Variants in CADM2 observed in about 807,000 individuals in gnomAD.
The protein encoded by CADM2 is cell adhesion molecule 2.
In CADM2, 12 loss-of-function variants were observed where a neutral mutation model predicts 49.8. That is an observed-to-expected ratio of 0.24 (90% CI 0.15 to 0.39). The LOEUF is 0.39. CADM2 is among the 10% of genes least tolerant of loss of function. The pLI, the probability that CADM2 is intolerant of heterozygous loss-of-function variation, is 1.00. For synonymous variants in CADM2, 214 were observed against 175.4 expected (o/e 1.22, Z -1.74); for missense variants, 378 against 492.3 (o/e 0.77, Z 2.20).
intron 2 of CADM2, among the ~76,000 whole-genome samples, chr3:85,796,054 G>A (rs573320617): frequency 4.8e-4 from 73 of 152,250 alleles, no homozygotes; most frequent in African/African-American, 1.7e-3. Context: ...TGAGATTTTC[G>A]CAAGCATCAC....
At chr3:85,927,117 T>C (rs1577684060) in intron 6 of CADM2, among the ~76,000 whole-genome samples, 2 of 152,204 alleles carry the variant, frequency 1.3e-5, no homozygotes, top group African/African-American at 2.4e-5. Flanking sequence ...ATTACATCAA[T>C]GCGTATTATT....
At chr3:85,842,815 A>G (rs2074698612) in intron 3 of CADM2, among the ~76,000 whole-genome samples, 1 of 152,164 alleles carries the variant, frequency 6.6e-6, no homozygotes. Context: ...TCTATGTCTC[A>G]TAAATAATTA....
intron 1 of CADM2, among the ~76,000 whole-genome samples, chr3:85,045,969 C>T (rs1471612388): frequency 1.3e-5 from 2 of 152,048 alleles, no homozygotes; most frequent in Non-Finnish European, 2.9e-5. Context: ...GAAAGAACAT[C>T]CCAAAAGATT....
chr3:86,011,023 G>T (rs117336302), intron 8 of CADM2, among the ~76,000 whole-genome samples: 1 of 151,634 alleles, frequency 6.6e-6, no homozygotes, highest in African/African-American at 2.4e-5. Flanking sequence ...ACCTTTTATC[G>T]TATATCTACT....
chr3:85,794,697 G>A (rs543029449), intron 2 of CADM2, among the ~76,000 whole-genome samples: 9 of 152,152 alleles, frequency 5.9e-5, no homozygotes, highest in South Asian at 4.1e-4. Flanking sequence ...ATAAGCTCTC[G>A]ATGATATGAC....
At chr3:85,578,461 A>C (rs1178140890) in intron 1 of CADM2, among the ~76,000 whole-genome samples, 3 of 152,276 alleles carry the variant, frequency 2.0e-5, no homozygotes, top group Admixed American at 2.0e-4. Flanking sequence ...GGTTAAAAAC[A>C]GGGCAAAGGC....
chr3:85,458,342 T>A (rs9309983), intron 1 of CADM2, among the ~76,000 whole-genome samples: 5,984 of 152,284 alleles, frequency 0.039, 188 homozygotes, highest in Non-Finnish European at 0.055. Flanking sequence ...CCCACTCCTC[T>A]GCCTGTGGGA....
At chr3:86,016,124 T>C (rs1350457633) in intron 8 of CADM2, among the ~76,000 whole-genome samples, 1 of 152,136 alleles carries the variant, frequency 6.6e-6, no homozygotes, top group Non-Finnish European at 1.5e-5. Flanking sequence ...AATTAACTCA[T>C]GTCAGTCTTT....
chr3:85,460,518 G>A (rs2038196812), intron 1 of CADM2, among the ~76,000 whole-genome samples: 1 of 152,106 alleles, frequency 6.6e-6, no homozygotes, highest in Non-Finnish European at 1.5e-5. Flanking sequence ...AGTTTTTGAA[G>A]GAGGTATGAA....
rs9870282 is a variant in CADM2 at position 85,233,947 on chromosome 3, A to G, written c.61+274279A>G. On this transcript the variant is annotated intron_variant, in intron 1 of 9. Transcript: ENST00000383699. ...GAATTATTTCCATTCTTATCAAACC[A>G]ATATTAGCTAGCTTAGCTAACATTT... 5.0e-3 allele frequency among the ~76,000 whole-genome samples: 762 copies of G among 152,252 alleles called. 5 individuals carry two copies. The highest frequency in any genetic ancestry group is 0.024 in the Middle Eastern group (7 of 294).
At position 85,540,136 on chromosome 3, in the gene CADM2, TATC is replaced by T. The variant is rs552546675; in HGVS notation, c.62-186383_62-186381del. Among the ~76,000 whole-genome samples, 15 of 152,250 alleles carry T rather than the reference TATC, an allele frequency of 9.9e-5. No individual in the cohort carries two copies. The South Asian group carries it at 2.7e-3, about 27-fold the overall frequency. On this transcript the variant is annotated intron_variant, in intron 1 of 9. Coordinates refer to ENST00000383699, the MANE Select transcript of CADM2 (RefSeq NM_001167675.2). ...TTGCATATTATCATGTTATTCATGT[TATC>T]ATAAAAGCCAAATGAAATCTTGTAG...
chr3:85,434,048 G>A (rs892483125), intron 1 of CADM2, among the ~76,000 whole-genome samples: 2 of 151,818 alleles, frequency 1.3e-5, no homozygotes, highest in South Asian at 2.1e-4. Context: ...AGTATGAGTC[G>A]ATTAAGTTTA....
chr3:85,924,979 A>G lies in CADM2; in HGVS notation c.701-10788A>G, dbSNP rs929120848. 5.3e-5 allele frequency among the ~76,000 whole-genome samples: 8 copies of G among 152,286 alleles called. No homozygotes were observed. The East Asian group carries it at 1.5e-3, about 29-fold the overall frequency. ...TTTACATTATTTCTAGATGCCTCAT[A>G]TATAGCCAACATTCTTTAATACAAC... On this transcript the variant is annotated intron_variant, in intron 6 of 9. Coordinates refer to ENST00000383699, the MANE Select transcript of CADM2 (RefSeq NM_001167675.2).
chr3:85,868,076 TAG>T (rs1460066061), intron 3 of CADM2, among the ~76,000 whole-genome samples: 1 of 152,042 alleles, frequency 6.6e-6, no homozygotes, highest in Non-Finnish European at 1.5e-5. Flanking sequence ...ATTTTAAAAA[TAG>T]ATAGATGTAA....
rs13323275 is a variant in CADM2 at position 85,861,835 on chromosome 3, A to G, written c.239-21456A>G. On this transcript the variant is annotated intron_variant, in intron 3 of 9. Transcript: ENST00000383699. ...TTTTTTATAATTTATATTTCTTTTAATAAGATAAAGCATTCAAAGCTAATA... is the reference window on the plus strand; with the variant it reads ...TTTTTTATAATTTATATTTCTTTTAGTAAGATAAAGCATTCAAAGCTAATA... Among the ~76,000 whole-genome samples the G allele has an allele frequency of 2.8e-3, 431 of 152,094 alleles. 2 individuals carry two copies. The highest frequency in any genetic ancestry group is 1.0e-2 in the African/African-American group (415 of 41,538).
intron 1 of CADM2, among the ~76,000 whole-genome samples, chr3:85,199,484 TTAGTTAAAC>T (rs2041437552): frequency 6.6e-6 from 1 of 151,834 alleles, no homozygotes; most frequent in Admixed American, 6.6e-5. Flanking sequence ...TTTTTTTTTT[TTAGTTAAAC>T]TTACAAAGTT....
chr3:85,396,551 T>A (rs1263487359), intron 1 of CADM2, among the ~76,000 whole-genome samples: 1 of 152,024 alleles, frequency 6.6e-6, no homozygotes, highest in Non-Finnish European at 1.5e-5. Flanking sequence ...CCTACAAAAT[T>A]ATACGCTATG....
At chr3:85,497,843 T>C (rs2039966118) in intron 1 of CADM2, among the ~76,000 whole-genome samples, 1 of 152,096 alleles carries the variant, frequency 6.6e-6, no homozygotes, top group Non-Finnish European at 1.5e-5. Context: ...TATCTATCTA[T>C]CTATCCATTT....
At chr3:85,060,965 T>G (rs1004831584) in intron 1 of CADM2, among the ~76,000 whole-genome samples, 1 of 152,162 alleles carries the variant, frequency 6.6e-6, no homozygotes, top group Non-Finnish European at 1.5e-5. Context: ...ATGAGTATAC[T>G]TCTAACCAGA....
Sources: gnomAD v4.1 joint callset for allele counts (sites outside exome capture counted in the v4.1 genomes callset) on GRCh38, gnomAD v4.1.1 for gene constraint, MANE v1.5 for transcripts, NCBI Gene and HGNC (gene_info 2026-07-23, HGNC 2026-07-21) for gene names.